Variants in SLC38A3 observed in about 807,000 individuals in gnomAD.
SLC38A3 encodes sodium-coupled neutral amino acid transporter 3.
SLC38A3 carries 17 observed loss-of-function variants against 59.5 expected under a neutral mutation model. That is an observed-to-expected ratio of 0.29 (90% CI 0.20 to 0.43). The LOEUF is 0.43. Among genes scored for constraint, SLC38A3 ranks in the 20% least tolerant of loss-of-function variants. SLC38A3 has a pLI of 1.00. For missense variants in SLC38A3, 454 were observed against 653.9 expected, an observed-to-expected ratio of 0.69 and a Z score of 3.33; for synonymous variants, 238 against 260.3, an observed-to-expected ratio of 0.91 and a Z score of 0.82.
In SLC38A3 at chr3:50,214,227, G is replaced by T; in HGVS notation, c.28G>T (p.Val10Leu). MEAPLQTEMVELVPNGKHSE... is the reference protein window; with the variant it reads MEAPLQTEMLELVPNGKHSE... ...GGAGGCGCCTTTGCAGACAGAGATG[G>T]TGGAGCTGGTGCCCAATGGCAAACA... Residue 10 changes from valine to leucine, a missense_variant, in exon 2 of 16, where the codon GTG (valine) becomes TTG (leucine). Coordinates refer to ENST00000614032, the MANE Select transcript of SLC38A3 (RefSeq NM_006841.6). This position sits in a 1 kb window ranked among gnomAD's most constrained non-coding sequence, Gnocchi z 6.0. The T allele has an allele frequency of 6.2e-7, 1 of 1,613,880 alleles. No individual in the cohort carries two copies. Among genetic ancestry groups the T allele is most frequent in the Non-Finnish European group, 8.5e-7 (1 of 1,179,832 alleles).
Position 50,220,464 on chromosome 3 carries a change from A to G in SLC38A3, c.*287A>G, listed in dbSNP as rs587767951. On this transcript the variant is annotated 3_prime_UTR_variant, in exon 16 of 16. Coordinates refer to ENST00000614032, the MANE Select transcript of SLC38A3 (RefSeq NM_006841.6). ...CCCAAGCCCCTCATTCCCTCCTTGC[A>G]CAGATGCATACACTGGGGCCCAGCA... 131 of 427,642 alleles carry G rather than the reference A, an allele frequency of 3.1e-4. No individual in the cohort carries two copies. The highest frequency in any genetic ancestry group is 5.0e-4 in the Non-Finnish European group (115 of 230,540). The allele number at this position is 427,642 out of a possible 1,614,324, so 26.5% of individuals were successfully genotyped here.
chr3:50,216,381 C>G (rs1044620156), intron 7 of SLC38A3, among the ~76,000 whole-genome samples: 3 of 152,222 alleles, frequency 2.0e-5, no homozygotes, highest in Admixed American at 6.5e-5. Context: ...TGGGCCTTTC[C>G]CAAGGAGTTG....
chr3:50,217,700 C>T lies in SLC38A3; in HGVS notation c.715C>T (p.Pro239Ser). ...IAVIYKKFHVPCPLPPNFNNT... is the reference protein window; with the variant it reads ...IAVIYKKFHVSCPLPPNFNNT... ...GGTCATCTACAAAAAGTTCCACGTG[C>T]CCTGCCCACTGCCCCCCAACTTCAA... Residue 239 changes from proline (P) to serine (S), a missense_variant, in exon 10 of 16, where the codon CCC becomes TCC. Transcript: ENST00000614032. This position sits in a 1 kb window ranked among gnomAD's most constrained non-coding sequence, Gnocchi z 4.9. The T allele has an allele frequency of 1.9e-6, 3 of 1,613,978 alleles. No individual in the cohort carries two copies. Among genetic ancestry groups the T allele is most frequent in the Non-Finnish European group, 2.5e-6 (3 of 1,179,890 alleles).
chr3:50,209,614 A>T (rs1288698229), intron 1 of SLC38A3, among the ~76,000 whole-genome samples: 2 of 150,918 alleles, frequency 1.3e-5, no homozygotes, highest in African/African-American at 4.9e-5. Flanking sequence ...ACGCCACTGC[A>T]CTCCAGCCTG....
intron 1 of SLC38A3, among the ~76,000 whole-genome samples, chr3:50,206,721 A>G (rs1014971169): frequency 6.6e-6 from 1 of 152,220 alleles, no homozygotes; most frequent in African/African-American, 2.4e-5. Flanking sequence ...AGGGGGCTGA[A>G]TCTCTGGGGA....
chr3:50,214,369 A>G lies in SLC38A3; in HGVS notation c.102-33A>G. The G allele has an allele frequency of 1.2e-6, 2 of 1,601,974 alleles. No individual in the cohort carries two copies. The highest frequency in any genetic ancestry group is 1.7e-6 in the Non-Finnish European group (2 of 1,173,274). On this transcript the variant is annotated intron_variant, in intron 2 of 15. Coordinates refer to ENST00000614032, the MANE Select transcript of SLC38A3 (RefSeq NM_006841.6). This position sits in a 1 kb window ranked among gnomAD's most constrained non-coding sequence, Gnocchi z 6.0. ...GCAGGGATACAGAGCAAAGGGCTGG[A>G]GCTGAGCCACCCACCCTGACCTGTG...
At chr3:50,213,554 G>A (rs977826666) in intron 1 of SLC38A3, among the ~76,000 whole-genome samples, 1 of 152,202 alleles carries the variant, frequency 6.6e-6, no homozygotes, top group African/African-American at 2.4e-5. Flanking sequence ...CGTTCCCAGC[G>A]CCAGCTCTCA....
intron 1 of SLC38A3, among the ~76,000 whole-genome samples, chr3:50,211,376 A>G (rs1011429941): frequency 3.2e-4 from 49 of 152,150 alleles, no homozygotes; most frequent in African/African-American, 1.1e-3. Context: ...TTACAGCTGT[A>G]TCAGGTTTGT....
In SLC38A3 at chr3:50,214,661, G is replaced by C; in HGVS notation, c.192G>C (p.Gly64=). Residue 64 remains glycine (G), a synonymous_variant, in exon 4 of 16, where the codon GGG becomes GGC. Transcript: ENST00000614032. This position sits in a 1 kb window ranked among gnomAD's most constrained non-coding sequence, Gnocchi z 6.0. The stretch of plus-strand genomic sequence containing the variant: ...CATTCTGGTGCCTGCAGTTCGAGGG[G>C]AAGACATCATTCGGGATGTCAGTGT... ...SKEPHFTDFE[G]KTSFGMSVFN... is the part of the protein sequence containing the mutation. 1 of 1,610,402 alleles carries C rather than the reference G, an allele frequency of 6.2e-7. No individual in the cohort carries two copies. The highest frequency in any genetic ancestry group is 8.5e-7 in the Non-Finnish European group (1 of 1,177,482).
At chr3:50,205,907 C>T (rs1266565515) in intron 1 of SLC38A3, among the ~76,000 whole-genome samples, 2 of 152,208 alleles carry the variant, frequency 1.3e-5, no homozygotes, top group Non-Finnish European at 2.9e-5. Flanking sequence ...CCTGAGGGGC[C>T]GCGGGGTACA....
chr3:50,216,452 G>A (rs1025850690), intron 7 of SLC38A3, among the ~76,000 whole-genome samples: 2 of 152,206 alleles, frequency 1.3e-5, no homozygotes, highest in Non-Finnish European at 2.9e-5. Context: ...TCTGTGCCCC[G>A]TATCCATTCC....
At chr3:50,207,371 G>T (rs990633437) in intron 1 of SLC38A3, 1 of 152,196 alleles carries the variant, frequency 6.6e-6, no homozygotes, top group South Asian at 2.1e-4. Flanking sequence ...CTGGAGTGCA[G>T]TGGCACAATC....
chr3:50,216,419 C>T (rs1463044582), intron 7 of SLC38A3, among the ~76,000 whole-genome samples: 1 of 152,222 alleles, frequency 6.6e-6, no homozygotes. Flanking sequence ...TGAGGATGGT[C>T]CTGGCCCTTA....
In SLC38A3 at chr3:50,214,019, G is replaced by T. The variant is rs1431367341; in HGVS notation, c.-51-130G>T. On this transcript the variant is annotated intron_variant, in intron 1 of 15. Transcript: ENST00000614032. This position sits in a 1 kb window ranked among gnomAD's most constrained non-coding sequence, Gnocchi z 6.0. ...ACAGCAGATCCCAGGGAGGCAGTAG[G>T]CAGAGCTGCATGTGTGGATATGCCC... is the stretch of plus-strand genomic sequence containing the variant. 9 of 615,956 alleles carry T rather than the reference G, an allele frequency of 1.5e-5. No individual in the cohort carries two copies. The highest frequency in any genetic ancestry group is 2.3e-5 in the Non-Finnish European group (8 of 346,608). 38.2% of individuals were successfully genotyped at this position (615,956 alleles called of 1,614,324 possible). A position where few individuals can be genotyped will look rare whatever the true frequency, so the allele number is the denominator to read the frequency against.
intron 14 of SLC38A3, 90 bp from the exon 15 acceptor site, chr3:50,219,791 G>C (rs939379966): frequency 4.8e-6 from 5 of 1,046,336 alleles, no homozygotes; most frequent in Non-Finnish European, 7.2e-6. Flanking sequence ...CCCTCAACAA[G>C]GAGTGTTTGA....
Position 50,217,663 on chromosome 3 carries a change from C to CA in SLC38A3, c.691-13_691-12insA. On this transcript the variant is annotated splice_polypyrimidine_tract_variant and intron_variant, in intron 9 of 15. Transcript: ENST00000614032. The surrounding 1 kb of genome is among the most constrained non-coding windows in gnomAD (Gnocchi z 4.9). ...CTGGGAGTCTCTGACACCCTCATCCCTCCCCACTCCAGGTCATCTACAAAA... is the reference window on the plus strand; with the variant it reads ...CTGGGAGTCTCTGACACCCTCATCCCATCCCCACTCCAGGTCATCTACAAAA... 6.2e-7 allele frequency: 1 copy of CA among 1,613,502 alleles called. No homozygotes were observed. The highest frequency in any genetic ancestry group is 1.1e-5 in the South Asian group (1 of 90,996).
chr3:50,210,281 CT>C (rs1699705470), intron 1 of SLC38A3, among the ~76,000 whole-genome samples: 1 of 152,216 alleles, frequency 6.6e-6, no homozygotes, highest in East Asian at 1.9e-4. Flanking sequence ...TGAGCTGGAA[CT>C]GGGGGCAGCC....
At chr3:50,207,053 G>A (rs1236325074) in intron 1 of SLC38A3, among the ~76,000 whole-genome samples, 1 of 152,242 alleles carries the variant, frequency 6.6e-6, no homozygotes, top group African/African-American at 2.4e-5. Context: ...CTGGAAGTCT[G>A]GGCTGGGTGT....
chr3:50,216,451 C>T (rs376604017), intron 7 of SLC38A3, among the ~76,000 whole-genome samples: 1 of 152,196 alleles, frequency 6.6e-6, no homozygotes, highest in Non-Finnish European at 1.5e-5. Context: ...CTCTGTGCCC[C>T]GTATCCATTC....
Sources: allele counts gnomAD v4.1 joint callset (sites outside exome capture counted in the v4.1 genomes callset), GRCh38; gene constraint gnomAD v4.1.1; non-coding constraint Gnocchi (gnomAD v3.1); transcripts MANE v1.5; gene names NCBI Gene and HGNC (gene_info 2026-07-23, HGNC 2026-07-21).